CNTNAP2: variants seen among roughly 807,000 people sequenced by gnomAD.
CNTNAP2 encodes the protein contactin associated protein 2, also known as contactin-associated protein-like 2.
CNTNAP2 carries 98 observed loss-of-function variants against 155.2 expected under a neutral mutation model. The observed-to-expected ratio is 0.63, with a 90% CI of 0.54 to 0.75. The LOEUF (loss-of-function observed/expected upper bound fraction) is 0.75. Ranked by LOEUF, CNTNAP2 falls within the 30% of genes least tolerant of loss-of-function variation. The pLI, the probability that CNTNAP2 is intolerant of heterozygous loss-of-function variation, is 0.00. For missense variants in CNTNAP2, 1,727 were observed against 1,688.1 expected, an observed-to-expected ratio of 1.02 and a Z score of -0.40; for synonymous variants, 651 against 631.2, an observed-to-expected ratio of 1.03 and a Z score of -0.47.
At chr7:147,084,580 G>A (rs566283346) in intron 4 of CNTNAP2, among the ~76,000 whole-genome samples, 2 of 144,718 alleles carry the variant, frequency 1.4e-5, no homozygotes, top group East Asian at 4.0e-4. Flanking sequence ...ATATACATAT[G>A]TACATATAGC....
intron 8 of CNTNAP2, among the ~76,000 whole-genome samples, chr7:147,180,142 A>G (rs1398362941): frequency 1.3e-5 from 2 of 152,186 alleles, no homozygotes; most frequent in African/African-American, 4.8e-5. Flanking sequence ...CAATCTCACA[A>G]GACTCCAGCT....
chr7:148,220,011 A>G (rs943912164), intron 19 of CNTNAP2, among the ~76,000 whole-genome samples: 8 of 152,266 alleles, frequency 5.3e-5, no homozygotes, highest in African/African-American at 1.9e-4. Context: ...GATGGAGGAA[A>G]AAGTATGTTC....
In CNTNAP2 at chr7:147,628,773, G is replaced by A. The variant is rs1015943140; in HGVS notation, c.1898-10333G>A. 5.9e-5 allele frequency among the ~76,000 whole-genome samples: 9 copies of A among 151,644 alleles called. No individual in the cohort carries two copies. In the East Asian group the frequency reaches 9.7e-4, roughly 16 times the overall value. ...ACTCACATAAACTTAAGGTAAAGGG[G>A]TGGAAAAAGATATTCCATGCAAATG... On this transcript the variant is annotated intron_variant, in intron 12 of 23. Coordinates refer to ENST00000361727, the MANE Select transcript of CNTNAP2 (RefSeq NM_014141.6).
intron 15 of CNTNAP2, among the ~76,000 whole-genome samples, chr7:148,110,756 A>C (rs1323912108): frequency 2.0e-5 from 3 of 152,166 alleles, no homozygotes; most frequent in Non-Finnish European, 4.4e-5. Flanking sequence ...GCTCCCCGCT[A>C]TGACCCTGCC....
At chr7:146,606,978 A>G (rs1399429302) in intron 1 of CNTNAP2, among the ~76,000 whole-genome samples, 3 of 152,184 alleles carry the variant, frequency 2.0e-5, no homozygotes, top group Admixed American at 6.5e-5. Flanking sequence ...AGTTTGTCCC[A>G]GGGCTAAGGT....
At chr7:148,188,773 T>C (rs1795160211) in intron 18 of CNTNAP2, among the ~76,000 whole-genome samples, 1 of 152,252 alleles carries the variant, frequency 6.6e-6, no homozygotes, top group Non-Finnish European at 1.5e-5. Context: ...TATCATTATG[T>C]ACATAGTATT....
intron 3 of CNTNAP2, among the ~76,000 whole-genome samples, chr7:146,894,981 A>C (rs550439801): frequency 5.9e-5 from 9 of 152,172 alleles, no homozygotes; most frequent in Non-Finnish European, 1.0e-4. Flanking sequence ...TCTCCCAACC[A>C]TTTGAAACTG....
chr7:146,631,383 G>A (rs1409527027), intron 1 of CNTNAP2, among the ~76,000 whole-genome samples: 1 of 151,996 alleles, frequency 6.6e-6, no homozygotes, highest in African/African-American at 2.4e-5. Flanking sequence ...TAGATGTTTG[G>A]GACCCATTTC....
At chr7:147,121,226 A>G in intron 6 of CNTNAP2, 63 bp downstream of exon 6, 2 of 1,479,328 alleles carry the variant, frequency 1.4e-6, no homozygotes, top group Non-Finnish European at 1.9e-6. Context: ...CTCCTACTGT[A>G]TTGTATTATT....
rs530670053 is a variant in CNTNAP2 at position 147,224,056 on chromosome 7, C to T, written c.1349-76085C>T. On this transcript the variant is annotated intron_variant, in intron 8 of 23. Coordinates refer to ENST00000361727, the MANE Select transcript of CNTNAP2 (RefSeq NM_014141.6). ...GGCCACCTGGAGAACTGTCAGCCAGCGCTTGTTCCCATAGAGGTTTTTGCT... is the reference window on the plus strand; with the variant it reads ...GGCCACCTGGAGAACTGTCAGCCAGTGCTTGTTCCCATAGAGGTTTTTGCT... Among the ~76,000 whole-genome samples the T allele has an allele frequency of 4.4e-3, 663 of 152,234 alleles. 6 individuals are homozygous for T. The highest frequency in any genetic ancestry group is 6.4e-3 in the Non-Finnish European group (434 of 68,012).
At chr7:146,848,961 C>T (rs1322508873) in intron 3 of CNTNAP2, among the ~76,000 whole-genome samples, 2 of 151,884 alleles carry the variant, frequency 1.3e-5, no homozygotes, top group Non-Finnish European at 2.9e-5. Context: ...TTAGTAGAGA[C>T]GTAGAGACGG....
chr7:147,521,957 C>T (rs1345496094), intron 11 of CNTNAP2, among the ~76,000 whole-genome samples: 1 of 152,198 alleles, frequency 6.6e-6, no homozygotes, highest in African/African-American at 2.4e-5. Flanking sequence ...CCATAAACTG[C>T]ATGGCTTATA....
chr7:146,603,883 A>T (rs890267737), intron 1 of CNTNAP2, among the ~76,000 whole-genome samples: 1 of 144,738 alleles, frequency 6.9e-6, no homozygotes, highest in African/African-American at 2.6e-5. Context: ...TAGGAAGCTG[A>T]AACTGGATCC....
chr7:147,458,760 T>C (rs962207198), intron 10 of CNTNAP2, among the ~76,000 whole-genome samples: 3 of 152,318 alleles, frequency 2.0e-5, no homozygotes, highest in East Asian at 3.9e-4. Context: ...TTTCCTAGTA[T>C]CAATATAGCT....
At chr7:147,905,754 G>C (rs890855012) in intron 14 of CNTNAP2, among the ~76,000 whole-genome samples, 1 of 152,100 alleles carries the variant, frequency 6.6e-6, no homozygotes, top group Non-Finnish European at 1.5e-5. Context: ...CATGGTGGTG[G>C]GTGCCTGTAA....
At chr7:147,895,726 G>A (rs1324788967) in intron 13 of CNTNAP2, among the ~76,000 whole-genome samples, 1 of 152,124 alleles carries the variant, frequency 6.6e-6, no homozygotes, top group Non-Finnish European at 1.5e-5. Flanking sequence ...ATAATGATTT[G>A]TAAAGCTAAA....
intron 21 of CNTNAP2, among the ~76,000 whole-genome samples, chr7:148,348,709 C>T (rs796154530): frequency 1.4e-4 from 21 of 152,298 alleles, no homozygotes; most frequent in African/African-American, 5.1e-4. Context: ...CTTTCATACC[C>T]CAGCCACACC....
At chr7:147,108,007 G>A (rs1168034649) in intron 4 of CNTNAP2, 140 bp from the exon 5 acceptor site, 1 of 722,982 alleles carries the variant, frequency 1.4e-6, no homozygotes, top group Non-Finnish European at 2.3e-6. Context: ...TCAAAAGAAG[G>A]AATAGAAGAA....
intron 4 of CNTNAP2, chr7:147,097,321 A>T (rs919413933): frequency 6.6e-6 from 1 of 152,194 alleles, no homozygotes; most frequent in African/African-American, 2.4e-5. Flanking sequence ...ATATGTGTGG[A>T]TGAATAGTTG....
Sources: gnomAD v4.1 joint callset for allele counts (sites outside exome capture counted in the v4.1 genomes callset) on GRCh38, gnomAD v4.1.1 for gene constraint, MANE v1.5 for transcripts, NCBI Gene and HGNC (gene_info 2026-07-23, HGNC 2026-07-21) for gene names.